GRIK2: variants seen among roughly 807,000 people sequenced by gnomAD.
The protein encoded by GRIK2 is glutamate ionotropic receptor kainate type subunit 2.
A neutral mutation model predicts 100.3 loss-of-function variants in GRIK2; 32 were observed. The ratio of observed to expected loss-of-function variants is 0.32; its 90% CI spans 0.24 to 0.43. The LOEUF is 0.43. GRIK2 is among the 20% of genes least tolerant of loss of function. The pLI is 1.00. For synonymous variants in GRIK2, 417 were observed against 389.4 expected (o/e 1.07, Z -0.83); for missense variants, 843 against 1,114.9 (o/e 0.76, Z 3.47).
chr6:101,725,082 T>C (rs966146356), intron 7 of GRIK2, among the ~76,000 whole-genome samples: 5 of 152,092 alleles, frequency 3.3e-5, no homozygotes, highest in Non-Finnish European at 7.4e-5. Context: ...ATCTACTAGT[T>C]ACTTTGCCAC....
intron 2 of GRIK2, among the ~76,000 whole-genome samples, chr6:101,402,245 T>C (rs889983915): frequency 1.1e-4 from 17 of 151,676 alleles, no homozygotes; most frequent in African/African-American, 2.4e-4. Context: ...AACACACACA[T>C]ACACACACAC....
chr6:101,836,661 A>ATATT (rs1246261796), intron 10 of GRIK2, among the ~76,000 whole-genome samples: 24 of 57,806 alleles, frequency 4.2e-4, no homozygotes, highest in Admixed American at 1.6e-3. Flanking sequence ...ATATATATAT[A>ATATT]TTTTTTTTTT....
intron 4 of GRIK2, among the ~76,000 whole-genome samples, chr6:101,627,328 G>T (rs1582851750): frequency 6.6e-6 from 1 of 152,182 alleles, no homozygotes; most frequent in Non-Finnish European, 1.5e-5. Context: ...TTTTAGTGGA[G>T]TCAGGGTTTC....
intron 2 of GRIK2, among the ~76,000 whole-genome samples, chr6:101,449,798 G>A (rs1770573892): frequency 6.6e-6 from 1 of 151,654 alleles, no homozygotes; most frequent in South Asian, 2.1e-4. Flanking sequence ...ATACTTTCCA[G>A]ATATTTCAGA....
chr6:101,834,434 CATTT>C (rs1782929825), intron 10 of GRIK2, among the ~76,000 whole-genome samples: 1 of 151,772 alleles, frequency 6.6e-6, no homozygotes, highest in Non-Finnish European at 1.5e-5. Context: ...TTAAGTACTC[CATTT>C]ATTTATGTTG....
chr6:101,912,926 G>A (rs1394806747), intron 12 of GRIK2, among the ~76,000 whole-genome samples: 2 of 151,312 alleles, frequency 1.3e-5, no homozygotes, highest in Non-Finnish European at 3.0e-5. Flanking sequence ...TATCTTTATA[G>A]GTTAATAATC....
At chr6:101,860,190 A>T (rs1784656775) in intron 11 of GRIK2, among the ~76,000 whole-genome samples, 1 of 152,094 alleles carries the variant, frequency 6.6e-6, no homozygotes, top group Admixed American at 6.5e-5. Flanking sequence ...AGACATCTTA[A>T]CTTTTAAAAA....
chr6:101,694,045 A>G (rs192077845), intron 7 of GRIK2, among the ~76,000 whole-genome samples: 193 of 152,252 alleles, frequency 1.3e-3, no homozygotes, highest in Non-Finnish European at 1.5e-3. Flanking sequence ...GTGATGCCCA[A>G]TGCCCTGACA....
In GRIK2 at chr6:101,761,080, T is replaced by C. The variant is rs1583095066; in HGVS notation, c.952-38568T>C. 5.3e-5 allele frequency among the ~76,000 whole-genome samples: 8 copies of C among 152,252 alleles called. No homozygotes were observed. In the South Asian group the frequency reaches 1.7e-3, roughly 32 times the overall value. ...AGTTAAATGGTTCAAAGAACTCTAA[T>C]ATTGAGTGTCCTCTTTTGACTCCAT... On this transcript the variant is annotated intron_variant, in intron 7 of 16. Coordinates refer to ENST00000369134, the MANE Select transcript of GRIK2 (RefSeq NM_021956.5).
At chr6:101,664,236 A>G (rs1317822131) in intron 4 of GRIK2, among the ~76,000 whole-genome samples, 1 of 152,176 alleles carries the variant, frequency 6.6e-6, no homozygotes, top group East Asian at 1.9e-4. Flanking sequence ...CCATCTCATT[A>G]TACCAAATAT....
intron 9 of GRIK2, among the ~76,000 whole-genome samples, chr6:101,805,369 G>C (rs1434972364): frequency 6.6e-6 from 1 of 150,948 alleles, no homozygotes; most frequent in Non-Finnish European, 1.5e-5. Flanking sequence ...TCTGAAGTGA[G>C]AATACTATGG....
chr6:101,608,632 A>G (rs1373214901), intron 2 of GRIK2, among the ~76,000 whole-genome samples: 1 of 151,934 alleles, frequency 6.6e-6, no homozygotes, highest in Non-Finnish European at 1.5e-5. Flanking sequence ...TTCAACATGG[A>G]GTAAATGCAC....
intron 2 of GRIK2, among the ~76,000 whole-genome samples, chr6:101,558,114 A>G (rs1295583566): frequency 6.6e-6 from 1 of 152,154 alleles, no homozygotes; most frequent in African/African-American, 2.4e-5. Context: ...TTGTTTTTCT[A>G]AAGGTCATTT....
chr6:101,460,315 T>A (rs1194563060), intron 2 of GRIK2, among the ~76,000 whole-genome samples: 1 of 152,208 alleles, frequency 6.6e-6, no homozygotes. Context: ...AGAAAAAGTA[T>A]CCCTCTAGAG....
At chr6:101,666,668 A>G (rs1038735642) in intron 4 of GRIK2, among the ~76,000 whole-genome samples, 1 of 152,386 alleles carries the variant, frequency 6.6e-6, no homozygotes, top group East Asian at 1.9e-4. Context: ...TGCCAAATAG[A>G]AAAGTGAATT....
intron 10 of GRIK2, among the ~76,000 whole-genome samples, chr6:101,832,555 G>T (rs1782771238): frequency 6.6e-6 from 1 of 152,056 alleles, no homozygotes; most frequent in African/African-American, 2.4e-5. Flanking sequence ...CTTGGCAGGT[G>T]GCCTGGCACT....
At chr6:101,670,146 A>G (rs542032189) in intron 4 of GRIK2, among the ~76,000 whole-genome samples, 1 of 152,272 alleles carries the variant, frequency 6.6e-6, no homozygotes, top group African/African-American at 2.4e-5. Context: ...TACTTAAAAA[A>G]AATGCCAGAG....
At chr6:101,593,914 C>A (rs1778791916) in intron 2 of GRIK2, among the ~76,000 whole-genome samples, 1 of 151,592 alleles carries the variant, frequency 6.6e-6, no homozygotes, top group Admixed American at 6.6e-5. Context: ...AATGAATATG[C>A]CTCCCCATGA....
chr6:101,928,166 T>C (rs910675762), intron 13 of GRIK2: 9 of 469,466 alleles, frequency 1.9e-5, no homozygotes, highest in African/African-American at 1.7e-4. Flanking sequence ...ATTGGAACTT[T>C]GCATCATCTC....
Sources: gnomAD v4.1 joint callset for allele counts (sites outside exome capture counted in the v4.1 genomes callset) on GRCh38, gnomAD v4.1.1 for gene constraint, MANE v1.5 for transcripts, NCBI Gene and HGNC (gene_info 2026-07-23, HGNC 2026-07-21) for gene names.